Variants in STAB1 observed in about 807,000 individuals in gnomAD.
STAB1 encodes stabilin 1.
STAB1 carries 250 observed loss-of-function variants against 332.4 expected under a neutral mutation model. The observed-to-expected ratio is 0.75, with a 90% confidence interval of 0.68 to 0.84. The LOEUF (loss-of-function observed/expected upper bound fraction) is 0.84, where lower values mean the gene tolerates loss of function less well. STAB1 is among the 40% of genes least tolerant of loss of function. The probability of loss-of-function intolerance (pLI) is 0.00; values close to 1 mark genes in which losing one functional copy is unlikely to be tolerated. For missense variants in STAB1, 3,249 were observed against 3,489.7 expected (o/e 0.93, Z 1.74); for synonymous variants, 1,475 against 1,390.4 (o/e 1.06, Z -1.35).
rs147261081 is a variant in STAB1 at position 52,524,320 on chromosome 3, C to T, written c.7677C>T (p.Asp2559=). The T allele has an allele frequency of 9.4e-5, 152 of 1,613,920 alleles. 3 individuals carry two copies. In the East Asian group the frequency reaches 3.4e-3, roughly 36 times the overall value. Residue 2559 remains aspartate (D), a synonymous_variant, in exon 69 of 69, where the codon GAC becomes GAT. Coordinates refer to ENST00000321725, the MANE Select transcript of STAB1 (RefSeq NM_015136.3). ...TCTAGGACTCACTGCTGGAGGAGGACTTCCCTGACACCCAGAGGATCCTCA... is the reference window on the plus strand; with the variant it reads ...TCTAGGACTCACTGCTGGAGGAGGATTTCCCTGACACCCAGAGGATCCTCA... ...EPFDDSLLEE[D]FPDTQRILTV... is the part of the protein sequence containing the mutation.
intron 1 of STAB1, among the ~76,000 whole-genome samples, chr3:52,497,527 C>T: frequency 6.6e-6 from 1 of 150,532 alleles, no homozygotes. Context: ...ATTCTCCTGA[C>T]TCAGCCTCCC....
chr3:52,518,948 C>G, intron 48 of STAB1, 79 bp downstream of exon 48: 1 of 1,133,426 alleles, frequency 8.8e-7, no homozygotes. Context: ...GCCCCACGGC[C>G]CACGCAGTCA....
At position 52,512,916 on chromosome 3, in the gene STAB1, G is replaced by A. The variant is rs758188059; in HGVS notation, c.3116G>A (p.Arg1039Gln). Residue 1039 changes from arginine to glutamine, a missense_variant, in exon 29 of 69, where the codon CGA becomes CAA. Arg to Gln is a conservative substitution (Grantham distance 43). Transcript: ENST00000321725. ...GTCCGTCAGCTGAGCCCCGAGGACC[G>A]AGCTTTCTGGCTGCAGCCAAGGACG... ...AAVRQLSPED[R>Q]AFWLQPRTLP... The A allele has an allele frequency of 9.9e-6, 16 of 1,611,966 alleles. No individual in the cohort carries two copies. The highest frequency in any genetic ancestry group is 9.9e-5 in the South Asian group (9 of 91,016).
Position 52,502,104 on chromosome 3 carries a change from C to T in STAB1, c.417+13C>T. 2 of 1,613,596 alleles carry T rather than the reference C, an allele frequency of 1.2e-6. No homozygotes were observed. Among genetic ancestry groups the T allele is most frequent in the South Asian group, 2.2e-5 (2 of 91,078 alleles). ...CTGTGTGTGCCAGGTAAGGGCTGGG[C>T]AAGGTGGGGTGGAGGCTCAGAGGGG... On this transcript the variant is annotated intron_variant, in intron 4 of 68. Coordinates refer to ENST00000321725, the MANE Select transcript of STAB1 (RefSeq NM_015136.3).
In STAB1 at chr3:52,516,702, G is replaced by C; in HGVS notation, c.4297G>C (p.Asp1433His). 1.2e-6 allele frequency: 2 copies of C among 1,612,286 alleles called. No individual in the cohort carries two copies. The highest frequency in any genetic ancestry group is 2.2e-5 in the East Asian group (1 of 44,886). ...KCDPNANCVQ[D>H]SAGASTCACA... ...TACCACCCCTCCCAGCTGCGTGCAG[G>C]ACTCGGCCGGAGCCTCCACCTGCGC... Residue 1433 changes from aspartate to histidine, a missense_variant, in exon 41 of 69, where the codon GAC becomes CAC. By Grantham distance (81) the Asp-to-His change is moderately conservative. Coordinates refer to ENST00000321725, the MANE Select transcript of STAB1 (RefSeq NM_015136.3).
chr3:52,504,809 C>T lies in STAB1; in HGVS notation c.1310C>T (p.Thr437Ile). 2 of 1,613,872 alleles carry T rather than the reference C, an allele frequency of 1.2e-6. No homozygotes were observed. The highest frequency in any genetic ancestry group is 8.5e-7 in the Non-Finnish European group (1 of 1,180,034). The stretch of plus-strand genomic sequence containing the variant: ...CAGCACATCCTGGAGGACACAAGGA[C>T]CCAACAAACACGAAGGTGGTGGACG... ...AGQHILEDTRTQQTRRWWTLA... is the reference protein window; with the variant it reads ...AGQHILEDTRIQQTRRWWTLA... Residue 437 changes from threonine (T) to isoleucine (I), a missense_variant, in exon 12 of 69, where the codon ACC becomes ATC. Coordinates refer to ENST00000321725, the MANE Select transcript of STAB1 (RefSeq NM_015136.3).
intron 25 of STAB1, among the ~76,000 whole-genome samples, 193 bp from the exon 26 acceptor site, chr3:52,511,457 G>T (rs1228427666): frequency 6.6e-6 from 1 of 152,222 alleles, no homozygotes; most frequent in Non-Finnish European, 1.5e-5. Flanking sequence ...GACTCATCCT[G>T]AGAGCCAGTC....
Position 52,516,607 on chromosome 3 carries a change from G to A in STAB1, c.4286+20G>A. On this transcript the variant is annotated intron_variant, in intron 40 of 68. Coordinates refer to ENST00000321725, the MANE Select transcript of STAB1 (RefSeq NM_015136.3). The stretch of plus-strand genomic sequence containing the variant: ...TGCCAAGTGAGTGGGCCCAGCCTGG[G>A]GCGGGTGGGTGAGTGGCGGGGAGCC... 6.2e-7 allele frequency: 1 copy of A among 1,612,794 alleles called. No individual in the cohort carries two copies. Among genetic ancestry groups the A allele is most frequent in the Non-Finnish European group, 8.5e-7 (1 of 1,180,000 alleles).
At chr3:52,505,289 T>C in intron 13 of STAB1, 30 bp from the exon 14 acceptor site, 3 of 1,613,032 alleles carry the variant, frequency 1.9e-6, no homozygotes, top group East Asian at 2.2e-5. Context: ...ACCCCTTCCC[T>C]GGGGCCCTCA....
rs766033396 is a variant in STAB1 at position 52,524,146 on chromosome 3, C to T, written c.7589C>T (p.Thr2530Ile). Residue 2530 changes from threonine (T) to isoleucine (I), a missense_variant, in exon 68 of 69, where the codon ACC becomes ATC. Physicochemically the swap from Thr to Ile is moderately conservative, Grantham distance 89 (BLOSUM62 -1). Transcript: ENST00000321725. ...DDDFSPWQEG[T>I]NPTLVSVPNP... ...GACTTCTCACCGTGGCAAGAAGGGA[C>T]CAACCCCACCCTGGTCTCTGTCCCC... The T allele has an allele frequency of 6.8e-6, 11 of 1,613,858 alleles. No individual in the cohort carries two copies. Among genetic ancestry groups the T allele is most frequent in the Middle Eastern group, 1.6e-4 (1 of 6,084 alleles).
At chr3:52,500,574 T>A (rs1383626204) in intron 1 of STAB1, among the ~76,000 whole-genome samples, 1 of 152,250 alleles carries the variant, frequency 6.6e-6, no homozygotes, top group Non-Finnish European at 1.5e-5. Context: ...AGCAGAGTGG[T>A]GGCTGGAGGT....
In STAB1 at chr3:52,516,378, G is replaced by C; in HGVS notation, c.4167G>C (p.Leu1389=). 1 of 1,609,688 alleles carries C rather than the reference G, an allele frequency of 6.2e-7. No homozygotes were observed. Residue 1389 remains leucine (L), a synonymous_variant, in exon 39 of 69, where the codon CTG becomes CTC. Transcript: ENST00000321725. Reference sequence around the variant, plus strand: ...CAGTGTGTGACTGTGCCCATGGGCTGTGCCAGGAGGGGCTGCAAGGGGACG... The same window carrying C: ...CAGTGTGTGACTGTGCCCATGGGCTCTGCCAGGAGGGGCTGCAAGGGGACG... ...CTGVCDCAHG[L]CQEGLQGDGS...
chr3:52,522,605 C>A lies in STAB1; in HGVS notation c.6661C>A (p.Leu2221Met). 1 of 1,613,028 alleles carries A rather than the reference C, an allele frequency of 6.2e-7. No homozygotes were observed. Among genetic ancestry groups the A allele is most frequent in the Middle Eastern group, 1.6e-4 (1 of 6,062 alleles). ...CCAGGCCACCAGCGGCCCTTATGGT[C>A]TGAACTTTTCGGAGGCTGAGGCGGC... ...HLQATSGPYGLNFSEAEAACE... is the reference protein window; with the variant it reads ...HLQATSGPYGMNFSEAEAACE... Residue 2221 changes from leucine to methionine, a missense_variant, in exon 61 of 69, where the codon CTG (leucine) becomes ATG (methionine). Coordinates refer to ENST00000321725, the MANE Select transcript of STAB1 (RefSeq NM_015136.3).
At chr3:52,506,023 CT>C in intron 16 of STAB1, 87 bp downstream of exon 16, 1 of 1,552,468 alleles carries the variant, frequency 6.4e-7, no homozygotes, top group African/African-American at 1.4e-5. Flanking sequence ...CCCATCTCTT[CT>C]CCATCTCCCT....
intron 41 of STAB1, 104 bp from the exon 42 acceptor site, chr3:52,516,880 C>G: frequency 6.3e-7 from 1 of 1,596,760 alleles, no homozygotes; most frequent in Non-Finnish European, 8.5e-7. Context: ...CATCTCAGGA[C>G]TCACCCTTCC....
chr3:52,512,969 C>A lies in STAB1; in HGVS notation c.3158+11C>A. On this transcript the variant is annotated intron_variant, in intron 29 of 68. Coordinates refer to ENST00000321725, the MANE Select transcript of STAB1 (RefSeq NM_015136.3). Reference sequence around the variant, plus strand: ...GCCGAACCTGGTCAGGTGGGGCCGCCATTGCCAGGCTGTGGGAGGGGCTTC... The same window carrying A: ...GCCGAACCTGGTCAGGTGGGGCCGCAATTGCCAGGCTGTGGGAGGGGCTTC... 1 of 1,604,244 alleles carries A rather than the reference C, an allele frequency of 6.2e-7. No homozygotes were observed. Among genetic ancestry groups the A allele is most frequent in the South Asian group, 1.1e-5 (1 of 90,548 alleles).
At position 52,514,514 on chromosome 3, in the gene STAB1, C is replaced by G; in HGVS notation, c.3678+18C>G. On this transcript the variant is annotated intron_variant, in intron 34 of 68. Coordinates refer to ENST00000321725, the MANE Select transcript of STAB1 (RefSeq NM_015136.3). ...GTGGCCAGGTTTGGGGGTCAGGGAG[C>G]AAGGAGACCCTAGCCCGGGCCCCTA... 6.6e-7 allele frequency: 1 copy of G among 1,523,820 alleles called. No homozygotes were observed. Among genetic ancestry groups the G allele is most frequent in the Non-Finnish European group, 8.8e-7 (1 of 1,136,678 alleles). 94.4% of individuals were successfully genotyped at this position (1,523,820 alleles called of 1,614,324 possible).
In STAB1 at chr3:52,505,936, G is replaced by A; in HGVS notation, c.1749G>A (p.Gln583=). The part of the protein sequence containing the change: ...LVRYHIYNHG[Q]LTVEKLISKG... ...GGTACCACATCTACAACCACGGCCAGGTGCGAGGTCTTTTTCTGGGGGGCG... is the reference window on the plus strand; with the variant it reads ...GGTACCACATCTACAACCACGGCCAAGTGCGAGGTCTTTTTCTGGGGGGCG... The change falls in exon 16 of 69, where the codon CAG becomes CAA. Residue 583 remains glutamine, a splice_region_variant and synonymous_variant. Transcript: ENST00000321725. The A allele has an allele frequency of 6.2e-7, 1 of 1,613,628 alleles. No homozygotes were observed. The highest frequency in any genetic ancestry group is 8.5e-7 in the Non-Finnish European group (1 of 1,180,044).
Position 52,517,782 on chromosome 3 carries a change from G to C in STAB1, c.4639-99G>C, listed in dbSNP as rs2078923716. 27 of 1,590,638 alleles carry C rather than the reference G, an allele frequency of 1.7e-5. 1 individual carries two copies. In the South Asian group the frequency reaches 2.9e-4, roughly 17 times the overall value. On this transcript the variant is annotated intron_variant, in intron 44 of 68. Coordinates refer to ENST00000321725, the MANE Select transcript of STAB1 (RefSeq NM_015136.3). ...TTAATCAGTAGCAAATAGGATCTGG[G>C]GGGCTGAGCAGGGGCCTTCATGGCC...
Sources: allele counts gnomAD v4.1 joint callset (sites outside exome capture counted in the v4.1 genomes callset), GRCh38; gene constraint gnomAD v4.1.1; transcripts MANE v1.5; gene names NCBI Gene and HGNC (gene_info 2026-07-23, HGNC 2026-07-21).